The following RPS6KC1 variants were observed in gnomAD, a reference collection of about 807,000 sequenced individuals.
The protein encoded by RPS6KC1 is inactive ribosomal protein S6 kinase delta-1.
RPS6KC1 carries 54 observed loss-of-function variants against 103.8 expected under a neutral mutation model. That is an observed-to-expected ratio of 0.52 (90% CI 0.42 to 0.65). RPS6KC1 has a LOEUF of 0.65. Among genes scored for constraint, RPS6KC1 ranks in the 30% least tolerant of loss-of-function variants. The probability of loss-of-function intolerance (pLI) is 0.00; values close to 1 mark genes in which losing one functional copy is unlikely to be tolerated. For missense variants in RPS6KC1, 1,151 were observed against 1,253.8 expected (o/e 0.92, Z 1.24); for synonymous variants, 439 against 438.7 (o/e 1.00, Z -0.01).
At chr1:213,794,027 G>A in the RPS6KC1 span, among the ~76,000 whole-genome samples, 3 of 152,254 alleles carry the variant, frequency 2.0e-5, no homozygotes, top group Admixed American at 6.5e-5. Flanking sequence ...TAGAAAAACC[G>A]CAGAACATTT....
At chr1:213,597,050 C>A in the RPS6KC1 span, among the ~76,000 whole-genome samples, 1 of 152,108 alleles carries the variant, frequency 6.6e-6, no homozygotes, top group Non-Finnish European at 1.5e-5. Context: ...CTAGACTGTG[C>A]GCCAAGGAGG....
At chr1:213,327,281 C>T in the RPS6KC1 span, among the ~76,000 whole-genome samples, 2 of 116,394 alleles carry the variant, frequency 1.7e-5, no homozygotes, top group South Asian at 3.2e-4. Flanking sequence ...TATTTTCCAA[C>T]CACAGGGATA....
chr1:213,438,792 CT>C, the RPS6KC1 span, among the ~76,000 whole-genome samples: 4,168 of 129,574 alleles, frequency 0.032, 25 homozygotes, highest in East Asian at 0.078. Flanking sequence ...ATCTTGGTTT[CT>C]TTTTTTTTTT....
At chr1:213,343,143 G>GA in the RPS6KC1 span, among the ~76,000 whole-genome samples, 1 of 150,522 alleles carries the variant, frequency 6.6e-6, no homozygotes, top group African/African-American at 2.4e-5. Context: ...TTTTAGAATT[G>GA]AAAAAAATGT....
the RPS6KC1 span, among the ~76,000 whole-genome samples, chr1:213,721,857 C>T: frequency 6.6e-6 from 1 of 152,292 alleles, no homozygotes; most frequent in South Asian, 2.1e-4. Context: ...TCTCTCCTTC[C>T]TCCCTGCCCC....
At position 213,061,591 on chromosome 1, in the gene RPS6KC1, G is replaced by GTT. The variant is rs35327007; in HGVS notation, c.106-9403_106-9402dup. ...CCTACTTTTCCTGCAAGACTTGGGTGTTTTTTTTTTTTTGTATGTATGAAG... is the reference window on the plus strand; with the variant it reads ...CCTACTTTTCCTGCAAGACTTGGGTGTTTTTTTTTTTTTTTGTATGTATGAAG... On this transcript the variant is annotated intron_variant, in intron 1 of 14. Coordinates refer to ENST00000366960, the MANE Select transcript of RPS6KC1 (RefSeq NM_012424.6). Among the ~76,000 whole-genome samples, 493 of 144,390 alleles carry GTT rather than the reference G, an allele frequency of 3.4e-3. 1 individual carries two copies. The highest frequency in any genetic ancestry group is 0.011 in the East Asian group (53 of 5,008). The allele number at this position is 144,390 out of a possible 152,430, so 94.7% of individuals were successfully genotyped here.
At chr1:213,544,931 A>T in the RPS6KC1 span, among the ~76,000 whole-genome samples, 1 of 152,314 alleles carries the variant, frequency 6.6e-6, no homozygotes, top group African/African-American at 2.4e-5. Flanking sequence ...CACACTTGGT[A>T]TCTGAGTGTT....
the RPS6KC1 span, among the ~76,000 whole-genome samples, chr1:213,642,004 G>A: frequency 6.6e-6 from 1 of 151,976 alleles, no homozygotes; most frequent in Non-Finnish European, 1.5e-5. Context: ...TGGTGGGTGT[G>A]CAAGAGAATG....
the RPS6KC1 span, among the ~76,000 whole-genome samples, chr1:213,505,233 G>GA: frequency 2.2e-3 from 333 of 152,156 alleles, 2 homozygotes; most frequent in South Asian, 9.4e-3. Context: ...TCAGTTTCAG[G>GA]GAGAAAAAAA....
intron 5 of RPS6KC1, among the ~76,000 whole-genome samples, chr1:213,121,249 A>G (rs2084351656): frequency 6.6e-6 from 1 of 152,182 alleles, no homozygotes; most frequent in South Asian, 2.1e-4. Flanking sequence ...TTTTAAAATT[A>G]CAGTTACTTT....
the RPS6KC1 span, among the ~76,000 whole-genome samples, chr1:213,650,957 G>C: frequency 1.3e-5 from 2 of 151,326 alleles, no homozygotes; most frequent in Non-Finnish European, 2.9e-5. Flanking sequence ...GAGGGGAGAG[G>C]GGGAGAGAGA....
chr1:213,099,374 A>G (rs1292141996), intron 3 of RPS6KC1, among the ~76,000 whole-genome samples: 1 of 152,098 alleles, frequency 6.6e-6, no homozygotes, highest in Non-Finnish European at 1.5e-5. Context: ...ATTTTGCTAT[A>G]TTTTCCTTAT....
chr1:213,537,244 C>G, the RPS6KC1 span, among the ~76,000 whole-genome samples: 1 of 152,146 alleles, frequency 6.6e-6, no homozygotes, highest in Non-Finnish European at 1.5e-5. Context: ...GTTGGCCACT[C>G]CTGAATTCCC....
At chr1:213,366,708 G>A in the RPS6KC1 span, among the ~76,000 whole-genome samples, 43 of 152,324 alleles carry the variant, frequency 2.8e-4, no homozygotes, top group African/African-American at 1.0e-3. Flanking sequence ...AGTCCACCTG[G>A]CATCTGGGTC....
chr1:213,341,143 G>A, the RPS6KC1 span, among the ~76,000 whole-genome samples: 1 of 152,164 alleles, frequency 6.6e-6, no homozygotes, highest in East Asian at 1.9e-4. Flanking sequence ...TGAAGCTCCT[G>A]CTCATAGACC....
chr1:213,855,965 G>C, the RPS6KC1 span, among the ~76,000 whole-genome samples: 1 of 152,324 alleles, frequency 6.6e-6, no homozygotes, highest in African/African-American at 2.4e-5. Flanking sequence ...CATGCCTCCT[G>C]TCTGCCTGGG....
chr1:213,242,739 A>G, intron 12 of RPS6KC1, 81 bp downstream of exon 12: 5 of 1,061,268 alleles, frequency 4.7e-6, no homozygotes, highest in East Asian at 2.6e-5. Context: ...GTATTTTTGT[A>G]TTGTTCACTA....
chr1:213,155,384 G>A (rs374762958), intron 6 of RPS6KC1, among the ~76,000 whole-genome samples: 1 of 152,210 alleles, frequency 6.6e-6, no homozygotes, highest in African/African-American at 2.4e-5. Flanking sequence ...GAGACACAGA[G>A]TGCTGTAGCC....
At chr1:213,370,096 C>A in the RPS6KC1 span, among the ~76,000 whole-genome samples, 1 of 152,096 alleles carries the variant, frequency 6.6e-6, no homozygotes, top group Non-Finnish European at 1.5e-5. Flanking sequence ...TTTCTAACCT[C>A]CAGGGCCAAG....
Sources: gnomAD v4.1 joint callset for allele counts (sites outside exome capture counted in the v4.1 genomes callset) on GRCh38, gnomAD v4.1.1 for gene constraint, MANE v1.5 for transcripts, NCBI Gene and HGNC (gene_info 2026-07-23, HGNC 2026-07-21) for gene names.